FIRRM: variants seen among roughly 807,000 people sequenced by gnomAD.
The protein encoded by FIRRM is FIGNL1 interacting regulator of recombination and mitosis, also known as FIGNL1-interacting regulator of recombination and mitosis.
the FIRRM span, chr1:169,853,414 GA>G: frequency 2.6e-6 from 1 of 382,912 alleles, no homozygotes; most frequent in South Asian, 5.6e-5. Flanking sequence ...AATTGTCCTG[GA>G]AAAAGCAGTA....
chr1:169,846,171 T>C, the FIRRM span, among the ~76,000 whole-genome samples: 4 of 152,198 alleles, frequency 2.6e-5, no homozygotes, highest in Admixed American at 6.5e-5. Flanking sequence ...AAGAAATCTT[T>C]TTTTCTGAGC....
the FIRRM span, chr1:169,821,598 A>G: frequency 2.9e-6 from 3 of 1,052,068 alleles, no homozygotes; most frequent in South Asian, 3.8e-5. Context: ...TTTTTAGAAA[A>G]TATTGTCTCA....
the FIRRM span, among the ~76,000 whole-genome samples, chr1:169,788,640 A>G: frequency 4.6e-5 from 7 of 152,174 alleles, no homozygotes; most frequent in Non-Finnish European, 8.8e-5. Flanking sequence ...CTTTACTGCC[A>G]AAGGCAAGCC....
At chr1:169,795,638 C>A in the FIRRM span, 16 of 993,324 alleles carry the variant, frequency 1.6e-5, no homozygotes, top group Non-Finnish European at 1.9e-5. Flanking sequence ...GAGCTTTTGT[C>A]TCCCGTAAAA....
At chr1:169,852,782 T>C in the FIRRM span, 1 of 1,613,156 alleles carries the variant, frequency 6.2e-7, no homozygotes, top group Non-Finnish European at 8.5e-7. Context: ...CTTATGTTTT[T>C]TTTCCAGCCT....
the FIRRM span, among the ~76,000 whole-genome samples, chr1:169,849,071 T>G: frequency 1.3e-5 from 2 of 152,204 alleles, no homozygotes; most frequent in South Asian, 4.1e-4. Context: ...GTATATTAAA[T>G]GGTGGTGAGT....
chr1:169,804,213 A>C, the FIRRM span: 1 of 1,568,346 alleles, frequency 6.4e-7, no homozygotes, highest in Non-Finnish European at 8.6e-7. Flanking sequence ...AGTAGATGAC[A>C]ATGATGATAT....
the FIRRM span, among the ~76,000 whole-genome samples, chr1:169,824,609 T>C: frequency 6.6e-6 from 1 of 152,226 alleles, no homozygotes; most frequent in Non-Finnish European, 1.5e-5. Context: ...ATAGTTCTTG[T>C]TAAGGTCATC....
the FIRRM span, chr1:169,805,991 T>C: frequency 1.9e-6 from 3 of 1,552,950 alleles, no homozygotes; most frequent in East Asian, 2.3e-5. Flanking sequence ...AGTTCTGTTA[T>C]CTTTCTTTGC....
At chr1:169,827,197 T>C in the FIRRM span, 15 of 1,611,268 alleles carry the variant, frequency 9.3e-6, no homozygotes, top group Admixed American at 2.5e-4. Flanking sequence ...GACAGTAAAT[T>C]AGGTAAGCTT....
At chr1:169,851,045 C>CTTTTTTTTTTT in the FIRRM span, 1 of 17,310 alleles carries the variant, frequency 5.8e-5, no homozygotes, top group Middle Eastern at 0.056. Flanking sequence ...GCTCAGGGCC[C>CTTTTTTTTTTT]TTTTTTTTTT....
chr1:169,829,474 AG>A, the FIRRM span: 2 of 1,567,034 alleles, frequency 1.3e-6, no homozygotes, highest in Admixed American at 3.9e-5. Context: ...TACTGTGCTA[AG>A]CTAAGGTTAC....
At chr1:169,850,179 G>A in the FIRRM span, 1 of 814,372 alleles carries the variant, frequency 1.2e-6, no homozygotes, top group South Asian at 1.6e-5. Context: ...TGAATTTTTG[G>A]TTAAGGTAGC....
the FIRRM span, chr1:169,849,748 T>A: frequency 6.4e-5 from 40 of 629,454 alleles, no homozygotes; most frequent in Middle Eastern, 1.3e-3. Flanking sequence ...CGTTATCTCT[T>A]TTACAGCTTC....
the FIRRM span, chr1:169,830,623 C>A: frequency 1.4e-6 from 2 of 1,410,980 alleles, no homozygotes; most frequent in Non-Finnish European, 2.0e-6. Context: ...ATATTTAGTG[C>A]TTTATGCAAG....
chr1:169,853,040 A>G, the FIRRM span: 1 of 1,550,958 alleles, frequency 6.4e-7, no homozygotes, highest in African/African-American at 1.4e-5. Context: ...GAAAATACTT[A>G]TGTCTGTACA....
chr1:169,849,370 G>GT, the FIRRM span: 6 of 650,942 alleles, frequency 9.2e-6, no homozygotes, highest in Non-Finnish European at 1.6e-5. Flanking sequence ...TACCTAATAT[G>GT]TTTTAGTGTG....
chr1:169,824,530 C>G, the FIRRM span, among the ~76,000 whole-genome samples: 7 of 152,226 alleles, frequency 4.6e-5, no homozygotes, highest in Non-Finnish European at 7.3e-5. Flanking sequence ...AAAGAGTTGT[C>G]TATACCCCTG....
chr1:169,831,529 C>G, the FIRRM span, among the ~76,000 whole-genome samples: 1 of 152,170 alleles, frequency 6.6e-6, no homozygotes, highest in Non-Finnish European at 1.5e-5. Context: ...TTATCACTTA[C>G]ACACTTTACT....
Sources: gnomAD v4.1 joint callset for allele counts (sites outside exome capture counted in the v4.1 genomes callset) on GRCh38, gnomAD v4.1.1 for gene constraint, MANE v1.5 for transcripts, NCBI Gene and HGNC (gene_info 2026-07-23, HGNC 2026-07-21) for gene names.